The following DNAAF1 variants were observed in gnomAD, a reference collection of about 807,000 sequenced individuals.
DNAAF1 encodes the protein dynein assembly factor 1, axonemal.
A neutral mutation model predicts 71.1 loss-of-function variants in DNAAF1; 65 were observed. That is an observed-to-expected ratio of 0.91 (90% CI 0.75 to 1.12). DNAAF1 has a LOEUF of 1.12. Ranked by LOEUF, DNAAF1 falls within the 50% of genes most tolerant of loss-of-function variation. The probability of loss-of-function intolerance (pLI) is 0.00; values close to 1 mark genes in which losing one functional copy is unlikely to be tolerated. For synonymous variants in DNAAF1, 414 were observed against 354.6 expected, an observed-to-expected ratio of 1.17 and a Z score of -1.88; for missense variants, 1,178 against 899.8, an observed-to-expected ratio of 1.31 and a Z score of -3.96.
rs1293712172 is a variant in DNAAF1, at chr16:84,158,861, G to T, written c.742-814G>T. 3 of 191,370 alleles carry T rather than the reference G, an allele frequency of 1.6e-5. No homozygotes were observed. The Admixed American group carries it at 2.0e-4, about 13-fold the overall frequency. The allele number at this position is 191,370 out of a possible 1,614,324, so 11.9% of individuals were successfully genotyped here. On this transcript the variant is annotated intron_variant, in intron 5 of 11. Transcript: ENST00000378553. ...TTTTCTGCCTCAGGCCCCATGAATAGCTGGGATTACAGGTGCTCACCATGA... is the reference window on the plus strand; with the variant it reads ...TTTTCTGCCTCAGGCCCCATGAATATCTGGGATTACAGGTGCTCACCATGA...
At chr16:84,167,960 C>T (rs953223639) in intron 7 of DNAAF1, among the ~76,000 whole-genome samples, 2 of 151,452 alleles carry the variant, frequency 1.3e-5, no homozygotes, top group Non-Finnish European at 2.9e-5. Flanking sequence ...GAGGTTGCAG[C>T]GAGCCGAGAT....
chr16:84,157,264 T>C (rs188640668), intron 5 of DNAAF1, among the ~76,000 whole-genome samples: 44 of 152,286 alleles, frequency 2.9e-4, no homozygotes, highest in African/African-American at 9.6e-4. Flanking sequence ...GGCCCACACC[T>C]GTAATCCCAG....
At chr16:84,147,312 T>TC (rs1391612562) in intron 1 of DNAAF1, among the ~76,000 whole-genome samples, 1 of 152,116 alleles carries the variant, frequency 6.6e-6, no homozygotes, top group African/African-American at 2.4e-5. Flanking sequence ...TAAGAACCAG[T>TC]CCCCACACGC....
intron 5 of DNAAF1, among the ~76,000 whole-genome samples, chr16:84,158,090 A>C (rs1262364348): frequency 6.6e-6 from 1 of 152,098 alleles, no homozygotes; most frequent in Non-Finnish European, 1.5e-5. Flanking sequence ...CTGTAGTCCC[A>C]GCTACTCTGG....
chr16:84,148,596 C>CTGTTTTTTTTTTTTTT, intron 1 of DNAAF1, among the ~76,000 whole-genome samples: 1 of 43,576 alleles, frequency 2.3e-5, no homozygotes, highest in Non-Finnish European at 4.1e-5. Flanking sequence ...CTCTCTCTCT[C>CTGTTTTTTTTTTTTTT]TTTTTTTTTT....
chr16:84,145,528 G>T lies in DNAAF1; in HGVS notation c.88G>T (p.Asp30Tyr). 2 of 1,554,650 alleles carry T rather than the reference G, an allele frequency of 1.3e-6. No homozygotes were observed. Among genetic ancestry groups the T allele is most frequent in the East Asian group, 2.4e-5 (1 of 41,972 alleles). ...QEPGVEESAG[D>Y]HGSAGRGGCK... Reference sequence around the variant, plus strand: ...GCCCGGCGTGGAGGAGTCTGCGGGTGACCACGGGAGCGCAGGCCGAGGGGG... The same window carrying T: ...GCCCGGCGTGGAGGAGTCTGCGGGTTACCACGGGAGCGCAGGCCGAGGGGG... The change falls in exon 1 of 12, where the codon GAC (aspartate) becomes TAC (tyrosine). Residue 30 changes from aspartate to tyrosine, a missense_variant. Physicochemically the swap from Asp to Tyr is radical, Grantham distance 160. Coordinates refer to ENST00000378553, the MANE Select transcript of DNAAF1 (RefSeq NM_178452.6).
rs1597498187 is a variant in DNAAF1 at position 84,176,239 on chromosome 16, G to A, written c.2005G>A (p.Ala669Thr). 6.2e-7 allele frequency: 1 copy of A among 1,613,754 alleles called. No individual in the cohort carries two copies. The highest frequency in any genetic ancestry group is 2.2e-5 in the East Asian group (1 of 44,880). The change falls in exon 11 of 12, where the codon GCT becomes ACT. Residue 669 changes from alanine to threonine, a missense_variant. Physicochemically the swap from Ala to Thr is moderately conservative, Grantham distance 58. Transcript: ENST00000378553. ...LLMPPTCQRDAAPLTSSGDRD... is the reference protein window; with the variant it reads ...LLMPPTCQRDTAPLTSSGDRD... ...GATGCCCCCCACCTGCCAAAGAGATGCTGCACCACTCACTTCCAGTGGAGA... is the reference window on the plus strand; with the variant it reads ...GATGCCCCCCACCTGCCAAAGAGATACTGCACCACTCACTTCCAGTGGAGA...
intron 9 of DNAAF1, chr16:84,174,337 G>T (rs1230906353): frequency 1.3e-5 from 16 of 1,250,742 alleles, no homozygotes; most frequent in Non-Finnish European, 1.6e-5. Context: ...TTTGTACAGA[G>T]GTGCATTTGG....
chr16:84,170,500 T>A, intron 8 of DNAAF1, 144 bp downstream of exon 8: 1 of 1,352,226 alleles, frequency 7.4e-7, no homozygotes, highest in Non-Finnish European at 1.0e-6. Flanking sequence ...CTAGTTATCT[T>A]GTTTTCTAGA....
chr16:84,154,527 C>G, intron 3 of DNAAF1, 50 bp from the exon 4 acceptor site: 1 of 1,560,936 alleles, frequency 6.4e-7, no homozygotes, highest in Non-Finnish European at 8.8e-7. Context: ...ACCGTGACCC[C>G]TCTGCCCTGG....
intron 6 of DNAAF1, among the ~76,000 whole-genome samples, chr16:84,163,836 C>A (rs1435037387): frequency 2.0e-5 from 3 of 150,736 alleles, no homozygotes; most frequent in African/African-American, 7.3e-5. Flanking sequence ...AGTTTCTTTG[C>A]TGATTTTTAA....
rs1056937742 is a variant in DNAAF1 at position 84,176,217 on chromosome 16, G to GC, written c.1989dup (p.Thr664HisfsTer29). The GC allele has an allele frequency of 6.2e-7, 1 of 1,613,698 alleles. No individual in the cohort carries two copies. Among genetic ancestry groups the GC allele is most frequent in the African/African-American group, 1.3e-5 (1 of 75,052 alleles). On this transcript the variant is annotated frameshift_variant, in exon 11 of 12. Transcript: ENST00000378553. LOFTEE classifies it high-confidence loss of function. ...AGGACCCCTCTGGCCAGCTACTGAT[G>GC]CCCCCCACCTGCCAAAGAGATGCTG...
intron 6 of DNAAF1, 102 bp from the exon 7 acceptor site, chr16:84,165,681 A>T (rs1249759128): frequency 8.9e-7 from 1 of 1,125,408 alleles, no homozygotes; most frequent in African/African-American, 1.5e-5. Flanking sequence ...CACATGTCTG[A>T]TGCTCACTTT....
intron 1 of DNAAF1, among the ~76,000 whole-genome samples, chr16:84,146,725 A>G (rs533341650): frequency 3.3e-5 from 5 of 151,952 alleles, no homozygotes; most frequent in African/African-American, 1.2e-4. Flanking sequence ...AGCCTGGGCA[A>G]TGGAGCAAGA....
chr16:84,175,780 C>A, intron 10 of DNAAF1, 153 bp from the exon 11 acceptor site: 1 of 988,420 alleles, frequency 1.0e-6, no homozygotes, highest in Non-Finnish European at 1.5e-6. Flanking sequence ...CCAGGCCTAA[C>A]TTTCAGAGTC....
intron 7 of DNAAF1, among the ~76,000 whole-genome samples, chr16:84,167,829 A>T (rs2088106214): frequency 6.6e-6 from 1 of 152,096 alleles, no homozygotes; most frequent in African/African-American, 2.4e-5. Context: ...CAGCCTGAAC[A>T]ACATGGAGAA....
At position 84,147,868 on chromosome 16, in the gene DNAAF1, A is replaced by C. The variant is rs183800161; in HGVS notation, c.125-1139A>C. Reference sequence around the variant, plus strand: ...GTCACCTGAGGTCAGGAGTTTGAGGACAGCCTGGCCAACATGGGGAAACCC... The same window carrying C: ...GTCACCTGAGGTCAGGAGTTTGAGGCCAGCCTGGCCAACATGGGGAAACCC... On this transcript the variant is annotated intron_variant, in intron 1 of 11. Coordinates refer to ENST00000378553, the MANE Select transcript of DNAAF1 (RefSeq NM_178452.6). 7.4e-3 allele frequency among the ~76,000 whole-genome samples: 1,133 copies of C among 152,086 alleles called. 16 individuals are homozygous for C. Among genetic ancestry groups the C allele is most frequent in the African/African-American group, 0.026 (1,076 of 41,494 alleles).
At position 84,145,545 on chromosome 16, in the gene DNAAF1, C is replaced by A. The variant is rs745355772; in HGVS notation, c.105C>A (p.Gly35=). Residue 35 remains glycine (G), a synonymous_variant, in exon 1 of 12, where the codon GGC becomes GGA. Transcript: ENST00000378553. ...CTGCGGGTGACCACGGGAGCGCAGG[C>A]CGAGGGGGCTGCAAGGAAGGTGCCG... The part of the protein sequence containing the change: ...EESAGDHGSA[G]RGGCKEEIND... The A allele has an allele frequency of 1.9e-6, 3 of 1,550,020 alleles. No homozygotes were observed. The Admixed American group carries it at 5.9e-5, about 30-fold the overall frequency.
At chr16:84,162,422 A>G (rs1358047824) in intron 6 of DNAAF1, among the ~76,000 whole-genome samples, 1 of 151,918 alleles carries the variant, frequency 6.6e-6, no homozygotes, top group Non-Finnish European at 1.5e-5. Context: ...AAAAATAAAT[A>G]AATAAAAATA....
Sources: allele counts gnomAD v4.1 joint callset (sites outside exome capture counted in the v4.1 genomes callset), GRCh38; gene constraint gnomAD v4.1.1; transcripts MANE v1.5; gene names NCBI Gene and HGNC (gene_info 2026-07-23, HGNC 2026-07-21).